The following POLA1 variants were observed in gnomAD, a reference collection of about 807,000 sequenced individuals.
POLA1 encodes the protein DNA polymerase alpha catalytic subunit.
Under a neutral mutation model 124.0 loss-of-function variants are expected in POLA1, and 15 were observed. That is an observed-to-expected ratio of 0.12 (90% CI 0.08 to 0.19). The LOEUF (loss-of-function observed/expected upper bound fraction) is 0.19. Among genes scored for constraint, POLA1 ranks in the 10% least tolerant of loss-of-function variants. The pLI is 1.00. For missense variants in POLA1, 886 were observed against 1,103.4 expected (o/e 0.80, Z 2.79); for synonymous variants, 408 against 389.4 (o/e 1.05, Z -0.56).
chrX:24,820,181 T>A (rs1414503664), intron 30 of POLA1, among the ~76,000 whole-genome samples: 1 of 112,075 alleles, frequency 8.9e-6, no homozygotes, highest in Non-Finnish European at 1.9e-5. Context: ...TGGTGAAGAA[T>A]ACAGTGACTG....
At chrX:24,713,645 G>C (rs1028445884) in intron 4 of POLA1, among the ~76,000 whole-genome samples, 1 of 111,411 alleles carries the variant, frequency 9.0e-6, no homozygotes, top group Non-Finnish European at 1.9e-5. Context: ...TCGATTTCCT[G>C]ATCTCGTGAT....
chrX:24,892,727 T>G (rs2047157063), intron 35 of POLA1, among the ~76,000 whole-genome samples: 1 of 112,415 alleles, frequency 8.9e-6, no homozygotes, highest in Non-Finnish European at 1.9e-5. Context: ...TGAGAAAATG[T>G]CTGTATGTGA....
At position 24,861,402 on chromosome X, in the gene POLA1, G is replaced by T. The variant is rs773383301; in HGVS notation, c.4047+17725G>T. ...CTGCCTCAGCTTCCCAAAGTGCTGGGATTACAGGTGTGAGCCACCACACCC... is the reference window on the plus strand; with the variant it reads ...CTGCCTCAGCTTCCCAAAGTGCTGGTATTACAGGTGTGAGCCACCACACCC... On this transcript the variant is annotated intron_variant, in intron 34 of 36. Coordinates refer to ENST00000379068, the MANE Select transcript of POLA1 (RefSeq NM_001330360.2). 4.4e-5 allele frequency among the ~76,000 whole-genome samples: 5 copies of T among 112,966 alleles called. No homozygotes were observed. The East Asian group carries it at 1.4e-3, about 31-fold the overall frequency.
intron 35 of POLA1, among the ~76,000 whole-genome samples, chrX:24,908,998 T>C (rs1340993002): frequency 8.9e-6 from 1 of 112,498 alleles, no homozygotes; most frequent in Non-Finnish European, 1.9e-5. Context: ...ATGATGAGCA[T>C]TTTTTCATGT....
At chrX:24,902,200 A>G (rs2047290586) in intron 35 of POLA1, among the ~76,000 whole-genome samples, 1 of 112,294 alleles carries the variant, frequency 8.9e-6, no homozygotes, top group South Asian at 3.7e-4. Flanking sequence ...AAGTAGTTAG[A>G]GGAGATGATA....
intron 34 of POLA1, among the ~76,000 whole-genome samples, chrX:24,857,278 ATC>A (rs975479473): frequency 1.3e-4 from 15 of 111,176 alleles, no homozygotes; most frequent in African/African-American, 4.9e-4. Context: ...TCTTCCATTG[ATC>A]TCTCTGTTTA....
At chrX:24,745,062 G>C (rs1461706065) in intron 23 of POLA1, among the ~76,000 whole-genome samples, 1 of 108,008 alleles carries the variant, frequency 9.3e-6, no homozygotes, top group African/African-American at 3.4e-5. Flanking sequence ...AAGGAGAGTT[G>C]AACATTTTTT....
chrX:24,963,815 C>T (rs2147263257), intron 36 of POLA1, among the ~76,000 whole-genome samples: 1 of 111,759 alleles, frequency 8.9e-6, no homozygotes, highest in East Asian at 2.8e-4. Context: ...CCATTTTTAA[C>T]CACTTAGAAA....
At chrX:24,841,630 T>G (rs1254674468) in intron 32 of POLA1, 22 bp from the exon 33 acceptor site, 2 of 1,025,266 alleles carry the variant, frequency 2.0e-6, no homozygotes, top group East Asian at 3.3e-5. Context: ...TCTGAATTTG[T>G]TTTTTTCTTT....
intron 34 of POLA1, among the ~76,000 whole-genome samples, chrX:24,870,038 T>G (rs369129986): frequency 2.7e-5 from 3 of 112,208 alleles, no homozygotes; most frequent in East Asian, 5.6e-4. Flanking sequence ...TACATATTAT[T>G]TTGATAGTGA....
Position 24,818,009 on chromosome X carries a change from A to G in POLA1, c.3429+2898A>G, listed in dbSNP as rs183990822. ...TGACAGGTTAAATTAGGGTGGAGAC[A>G]TGCATGAAGTGATGGGATTTACCTT... On this transcript the variant is annotated intron_variant, in intron 30 of 36. Transcript: ENST00000379068. Among the ~76,000 whole-genome samples, 591 of 104,458 alleles carry G rather than the reference A, an allele frequency of 5.7e-3. 4 individuals are homozygous for G. The highest frequency in any genetic ancestry group is 9.5e-3 in the Non-Finnish European group (488 of 51,356). The allele number at this position is 104,458 out of a possible 115,157, so 90.7% of individuals were successfully genotyped here. A position where few individuals can be genotyped will look rare whatever the true frequency, so the allele number is the denominator to read the frequency against.
chrX:24,828,221 G>A (rs1052505063), intron 32 of POLA1, among the ~76,000 whole-genome samples: 18 of 112,604 alleles, frequency 1.6e-4, no homozygotes, highest in African/African-American at 5.2e-4. Context: ...TACATTGAGC[G>A]TTTGCTCTGT....
At chrX:24,983,431 C>G (rs976656107) in intron 36 of POLA1, among the ~76,000 whole-genome samples, 4 of 112,203 alleles carry the variant, frequency 3.6e-5, no homozygotes, top group African/African-American at 1.3e-4. Flanking sequence ...GACACCCAGT[C>G]AGTACTTAAT....
chrX:24,964,629 A>C (rs1030015089), intron 36 of POLA1, among the ~76,000 whole-genome samples: 4 of 112,739 alleles, frequency 3.5e-5, no homozygotes, highest in African/African-American at 1.3e-4. Context: ...TTTGAAAGGC[A>C]CTTGACACCA....
At chrX:24,983,655 C>T (rs757413379) in intron 36 of POLA1, among the ~76,000 whole-genome samples, 3 of 112,145 alleles carry the variant, frequency 2.7e-5, no homozygotes, top group Non-Finnish European at 3.8e-5. Flanking sequence ...ATTTTAGATC[C>T]ATATTTTCCT....
At chrX:24,774,792 C>A (rs918438992) in intron 26 of POLA1, among the ~76,000 whole-genome samples, 1 of 112,500 alleles carries the variant, frequency 8.9e-6, no homozygotes, top group African/African-American at 3.2e-5. Context: ...TCTGACACAT[C>A]AATTGTGTAA....
chrX:24,917,638 C>G (rs1268771341), intron 35 of POLA1, among the ~76,000 whole-genome samples: 1 of 111,449 alleles, frequency 9.0e-6, no homozygotes, highest in African/African-American at 3.3e-5. Flanking sequence ...ACTAAATGAT[C>G]TCTTAGAGAA....
rs1037816141 is a variant in POLA1 at position 24,837,935 on chromosome X, G to GAA, written c.3737-3715_3737-3714dup. Among the ~76,000 whole-genome samples, 343 of 112,256 alleles carry GAA rather than the reference G, an allele frequency of 3.1e-3. 1 individual carries two copies. The highest frequency in any genetic ancestry group is 0.011 in the African/African-American group (330 of 30,941). Reference sequence around the variant, plus strand: ...TAGAGACCTTGTCTTTTGAAGGAAGGAAAGTATTTGATTAAATGTATCAGC... The same window carrying GAA: ...TAGAGACCTTGTCTTTTGAAGGAAGGAAAAAGTATTTGATTAAATGTATCAGC... On this transcript the variant is annotated intron_variant, in intron 32 of 36. Transcript: ENST00000379068.
At chrX:24,814,288 C>A (rs1158837010) in intron 29 of POLA1, among the ~76,000 whole-genome samples, 1 of 112,033 alleles carries the variant, frequency 8.9e-6, no homozygotes, top group East Asian at 2.8e-4. Context: ...CTTTTTCTGG[C>A]AAATTATAAT....
Sources: gnomAD v4.1 joint callset for allele counts (sites outside exome capture counted in the v4.1 genomes callset) on GRCh38, gnomAD v4.1.1 for gene constraint, MANE v1.5 for transcripts, NCBI Gene and HGNC (gene_info 2026-07-23, HGNC 2026-07-21) for gene names.